The following DYNLRB1 variants were observed in gnomAD, a reference collection of about 807,000 sequenced individuals.
The protein encoded by DYNLRB1 is dynein light chain roadblock-type 1.
Under a neutral mutation model 13.5 loss-of-function variants are expected in DYNLRB1, and 6 were observed. The ratio of observed to expected loss-of-function variants is 0.44; its 90% confidence interval spans 0.24 to 0.88. DYNLRB1 has a LOEUF of 0.88. Among genes scored for constraint, DYNLRB1 ranks in the 40% least tolerant of loss-of-function variants. The pLI, the probability that DYNLRB1 is intolerant of heterozygous loss-of-function variation, is 0.21. For synonymous variants in DYNLRB1, 43 were observed against 45.0 expected (o/e 0.96, Z 0.18); for missense variants, 93 against 127.2 (o/e 0.73, Z 1.29).
intron 3 of DYNLRB1, among the ~76,000 whole-genome samples, chr20:34,539,798 T>C (rs1981439077): frequency 6.6e-6 from 1 of 151,882 alleles, no homozygotes; most frequent in Non-Finnish European, 1.5e-5. Context: ...CGCCTGACCT[T>C]CTACAAAAAA....
chr20:34,529,954 C>T, intron 2 of DYNLRB1: 2 of 1,407,572 alleles, frequency 1.4e-6, no homozygotes, highest in Non-Finnish European at 1.9e-6. Flanking sequence ...TTCCCCGCTT[C>T]AGCCCTCAAC....
At chr20:34,534,040 C>T (rs1268561050) in intron 2 of DYNLRB1, among the ~76,000 whole-genome samples, 7 of 151,776 alleles carry the variant, frequency 4.6e-5, no homozygotes, top group Non-Finnish European at 8.8e-5. Context: ...ACTTGGGAAA[C>T]TGAGGCAGGA....
intron 3 of DYNLRB1, among the ~76,000 whole-genome samples, chr20:34,537,985 CTTTT>C (rs67763754): frequency 4.2e-5 from 4 of 94,872 alleles, no homozygotes; most frequent in Non-Finnish European, 6.0e-5. Flanking sequence ...CGTGAACAGG[CTTTT>C]TTTTTTTTTT....
chr20:34,539,533 C>A (rs1474724802), intron 3 of DYNLRB1, among the ~76,000 whole-genome samples: 1 of 149,942 alleles, frequency 6.7e-6, no homozygotes, highest in Non-Finnish European at 1.5e-5. Flanking sequence ...TTTTTTTTTT[C>A]TTAATGGAGT....
At chr20:34,537,296 G>A (rs561873711) in intron 3 of DYNLRB1, among the ~76,000 whole-genome samples, 10 of 152,312 alleles carry the variant, frequency 6.6e-5, no homozygotes, top group African/African-American at 2.4e-4. Flanking sequence ...CTTTGGCTCA[G>A]CCTCACTGCT....
At chr20:34,540,339 C>T (rs1041123695) in intron 3 of DYNLRB1, among the ~76,000 whole-genome samples, 5 of 152,186 alleles carry the variant, frequency 3.3e-5, no homozygotes, top group South Asian at 4.1e-4. Context: ...TTAGAAGAGA[C>T]GACACACTGT....
In DYNLRB1 at chr20:34,516,631, G is replaced by A. The variant is rs1311213846; in HGVS notation, c.3+170G>A. 2.7e-6 allele frequency: 4 copies of A among 1,475,268 alleles called. No individual in the cohort carries two copies. In the Admixed American group the frequency reaches 7.5e-5, roughly 28 times the overall value. The allele number at this position is 1,475,268 out of a possible 1,614,324, so 91.4% of individuals were successfully genotyped here. ...TTGAGGGTGGAACCCGGCGGCGGAG[G>A]CCTCTAAAGCCTGACCGAGGCGGGG... On this transcript the variant is annotated intron_variant, in intron 1 of 3. Transcript: ENST00000357156.
At chr20:34,535,549 GCTCT>G (rs1981075455) in intron 3 of DYNLRB1, 1 of 838,998 alleles carries the variant, frequency 1.2e-6, no homozygotes, top group African/African-American at 1.8e-5. Context: ...CGGCTCCCTC[GCTCT>G]CACTCATGGA....
chr20:34,520,220 C>T, intron 1 of DYNLRB1, among the ~76,000 whole-genome samples: 1 of 152,166 alleles, frequency 6.6e-6, no homozygotes, highest in Admixed American at 6.5e-5. Context: ...TTTGTATGTT[C>T]TCCTTCCTCT....
At position 34,526,301 on chromosome 20, in the gene DYNLRB1, A is replaced by T; in HGVS notation, c.37A>T (p.Ser13Cys). The T allele has an allele frequency of 6.2e-7, 1 of 1,614,186 alleles. No homozygotes were observed. Among genetic ancestry groups the T allele is most frequent in the South Asian group, 1.1e-5 (1 of 91,086 alleles). Residue 13 changes from serine (S) to cysteine (C), a missense_variant, in exon 2 of 4, where the codon AGC becomes TGC. Ser to Cys is a moderately radical substitution (Grantham distance 112). Transcript: ENST00000357156. ...EVEETLKRLQ[S>C]QKGVQGIIVV... Reference sequence around the variant, plus strand: ...GGAGGAGACACTGAAGCGACTGCAGAGCCAGAAGGGAGTGCAGGGAATCAT... The same window carrying T: ...GGAGGAGACACTGAAGCGACTGCAGTGCCAGAAGGGAGTGCAGGGAATCAT...
At chr20:34,537,544 C>A (rs994001459) in intron 3 of DYNLRB1, among the ~76,000 whole-genome samples, 3 of 152,188 alleles carry the variant, frequency 2.0e-5, no homozygotes, top group Admixed American at 6.5e-5. Flanking sequence ...GTCTGTGGGG[C>A]ATAGTTTTAG....
chr20:34,524,187 A>G (rs764782340), intron 1 of DYNLRB1, among the ~76,000 whole-genome samples: 3 of 152,228 alleles, frequency 2.0e-5, no homozygotes, highest in Non-Finnish European at 4.4e-5. Context: ...AAACCTTTCT[A>G]TAATTCCTTG....
intron 2 of DYNLRB1, chr20:34,529,912 C>G: frequency 6.6e-7 from 1 of 1,504,760 alleles, no homozygotes; most frequent in Non-Finnish European, 8.9e-7. Context: ...CAGGGCTGCC[C>G]CTGATCAGTT....
At chr20:34,528,326 A>AAC (rs1600546446) in intron 2 of DYNLRB1, among the ~76,000 whole-genome samples, 1 of 38,192 alleles carries the variant, frequency 2.6e-5, no homozygotes, top group East Asian at 5.4e-4. Flanking sequence ...AAAAAAAAAA[A>AAC]AAAAAAAAAA....
At chr20:34,518,241 C>G in intron 1 of DYNLRB1, among the ~76,000 whole-genome samples, 1 of 151,858 alleles carries the variant, frequency 6.6e-6, no homozygotes, top group South Asian at 2.1e-4. Context: ...TATACCAATA[C>G]CATGCTCTTT....
chr20:34,527,428 A>C (rs189357333), intron 2 of DYNLRB1, among the ~76,000 whole-genome samples: 4 of 152,376 alleles, frequency 2.6e-5, no homozygotes, highest in Non-Finnish European at 5.9e-5. Flanking sequence ...TAAAGCATTT[A>C]GTACAGTATC....
Position 34,520,509 on chromosome 20 carries a change from C to T in DYNLRB1, c.3+4048C>T, listed in dbSNP as rs1979627568. 3.3e-5 allele frequency among the ~76,000 whole-genome samples: 5 copies of T among 152,274 alleles called. No homozygotes were observed. The South Asian group carries it at 1.0e-3, about 32-fold the overall frequency. On this transcript the variant is annotated intron_variant, in intron 1 of 3. Coordinates refer to ENST00000357156, the MANE Select transcript of DYNLRB1 (RefSeq NM_014183.4). ...TTGCCCAGACTGGAGTTCAGTGGCT[C>T]AATCTCAGCTCACTGCAACCTCTGC...
intron 1 of DYNLRB1, among the ~76,000 whole-genome samples, chr20:34,524,014 T>C (rs1401174204): frequency 6.6e-6 from 1 of 152,242 alleles, no homozygotes; most frequent in South Asian, 2.1e-4. Flanking sequence ...TAAATTGTCA[T>C]CCAAGTTATT....
chr20:34,534,633 C>G lies in DYNLRB1; in HGVS notation c.85C>G (p.Pro29Ala). ...GIIVVNTEGI[P>A]IKSTMDNPTT... ...TCCGTCTGCTCTCCCCTCAGGCATT[C>G]CCATCAAGAGCACCATGGACAACCC... The change falls in exon 3 of 4, where the codon CCC (proline) becomes GCC (alanine). Residue 29 changes from proline (P) to alanine (A), a missense_variant. Transcript: ENST00000357156. The G allele has an allele frequency of 6.4e-7, 1 of 1,562,778 alleles. No individual in the cohort carries two copies. Among genetic ancestry groups the G allele is most frequent in the South Asian group, 1.2e-5 (1 of 80,756 alleles).
Sources: gnomAD v4.1 joint callset for allele counts (sites outside exome capture counted in the v4.1 genomes callset) on GRCh38, gnomAD v4.1.1 for gene constraint, MANE v1.5 for transcripts, NCBI Gene and HGNC (gene_info 2026-07-23, HGNC 2026-07-21) for gene names.